Variants in RBFOX1 observed in about 807,000 individuals in gnomAD.
RBFOX1 encodes the protein RNA binding fox-1 homolog 1, also known as RNA binding protein fox-1 homolog 1.
Under a neutral mutation model 57.7 loss-of-function variants are expected in RBFOX1, and 8 were observed. That is an observed-to-expected ratio of 0.14 (90% confidence interval 0.08 to 0.25). The LOEUF (loss-of-function observed/expected upper bound fraction) is 0.25, where lower values mean the gene tolerates loss of function less well. RBFOX1 is among the 10% of genes least tolerant of loss of function. The pLI, the probability that RBFOX1 is intolerant of heterozygous loss-of-function variation, is 1.00. For synonymous variants in RBFOX1, 326 were observed against 222.4 expected, an observed-to-expected ratio of 1.47 and a Z score of -4.15; for missense variants, 611 against 548.5, an observed-to-expected ratio of 1.11 and a Z score of -1.14.
intron 4 of RBFOX1, among the ~76,000 whole-genome samples, chr16:7,201,738 C>T (rs1174304178): frequency 2.0e-5 from 3 of 152,156 alleles, no homozygotes; most frequent in Non-Finnish European, 4.4e-5. Context: ...ACTGGGACTA[C>T]AGGCAAGAGC....
intron 5 of RBFOX1, among the ~76,000 whole-genome samples, chr16:7,563,115 A>G (rs1207424154): frequency 6.6e-6 from 1 of 152,196 alleles, no homozygotes; most frequent in Non-Finnish European, 1.5e-5. Flanking sequence ...TGGGCACAAT[A>G]TTAGAATCCT....
At chr16:5,876,018 TA>T (rs2057600729) in intron 4 of RBFOX1, among the ~76,000 whole-genome samples, 1 of 152,054 alleles carries the variant, frequency 6.6e-6, no homozygotes, top group African/African-American at 2.4e-5. Context: ...TAATTTTTTG[TA>T]TTTTTAGTAG....
intron 1 of RBFOX1, among the ~76,000 whole-genome samples, chr16:5,451,914 TTC>T (rs2068437254): frequency 6.6e-6 from 1 of 152,164 alleles, no homozygotes; most frequent in Admixed American, 6.5e-5. Flanking sequence ...ACCTCTGGGC[TTC>T]TCCCTGAGCT....
rs562666133 is a variant in RBFOX1 at position 5,761,658 on chromosome 16, G to A, written c.319-105645G>A. On this transcript the variant is annotated intron_variant, in intron 3 of 19. Coordinates refer to the RBFOX1 transcript ENST00000641259. ...CATGAGGGTAACTGCCCCCATGTTTGAATTACCTCTCACCGGGTCCTTTCC... is the reference window on the plus strand; with the variant it reads ...CATGAGGGTAACTGCCCCCATGTTTAAATTACCTCTCACCGGGTCCTTTCC... 2.6e-5 allele frequency among the ~76,000 whole-genome samples: 4 copies of A among 152,276 alleles called. No individual in the cohort carries two copies. The East Asian group carries it at 7.7e-4, about 29-fold the overall frequency.
chr16:6,262,862 C>A (rs890264509), intron 1 of RBFOX1, among the ~76,000 whole-genome samples: 6 of 152,100 alleles, frequency 3.9e-5, no homozygotes, highest in Non-Finnish European at 7.3e-5. Context: ...CATCTCACAA[C>A]CCTCATGGAA....
chr16:6,786,534 A>G (rs964979329), intron 3 of RBFOX1, among the ~76,000 whole-genome samples: 1 of 152,174 alleles, frequency 6.6e-6, no homozygotes, highest in African/African-American at 2.4e-5. Flanking sequence ...CAGAGTTCAG[A>G]GATCCTGGAA....
At chr16:5,679,507 C>T (rs1209983282) in intron 3 of RBFOX1, among the ~76,000 whole-genome samples, 1 of 152,034 alleles carries the variant, frequency 6.6e-6, no homozygotes, top group Non-Finnish European at 1.5e-5. Flanking sequence ...TCCCCTTGTC[C>T]CCCACCCCCC....
chr16:7,156,246 A>G (rs952786495), intron 4 of RBFOX1, among the ~76,000 whole-genome samples: 1 of 147,722 alleles, frequency 6.8e-6, no homozygotes, highest in Non-Finnish European at 1.5e-5. Flanking sequence ...ACACATATAT[A>G]TGTATACATA....
chr16:7,703,466 C>G (rs2081420794), intron 14 of RBFOX1, among the ~76,000 whole-genome samples: 1 of 152,150 alleles, frequency 6.6e-6, no homozygotes, highest in Non-Finnish European at 1.5e-5. Flanking sequence ...GGGTGAGAAG[C>G]ATGGGGAGAT....
chr16:7,586,620 T>G (rs1234682758), intron 6 of RBFOX1, among the ~76,000 whole-genome samples: 1 of 152,234 alleles, frequency 6.6e-6, no homozygotes, highest in Non-Finnish European at 1.5e-5. Flanking sequence ...TCTGGACTTT[T>G]CATAGAGCCT....
At chr16:5,429,161 G>T (rs1009978572) in intron 1 of RBFOX1, among the ~76,000 whole-genome samples, 2 of 152,104 alleles carry the variant, frequency 1.3e-5, no homozygotes, top group Non-Finnish European at 2.9e-5. Flanking sequence ...TTTTCACTCT[G>T]TTAAGTCCCT....
At chr16:5,714,219 C>G (rs1419148324) in intron 3 of RBFOX1, among the ~76,000 whole-genome samples, 1 of 152,142 alleles carries the variant, frequency 6.6e-6, no homozygotes, top group Non-Finnish European at 1.5e-5. Context: ...TTGTTGTGCT[C>G]TCCCATTGTG....
At chr16:6,518,463 A>C (rs151255108) in intron 2 of RBFOX1, among the ~76,000 whole-genome samples, 1 of 152,088 alleles carries the variant, frequency 6.6e-6, no homozygotes, top group Non-Finnish European at 1.5e-5. Flanking sequence ...ATGTGCTTCT[A>C]TTATACAGAT....
chr16:7,458,646 T>C (rs1245372719), intron 4 of RBFOX1, among the ~76,000 whole-genome samples: 1 of 152,190 alleles, frequency 6.6e-6, no homozygotes, highest in Non-Finnish European at 1.5e-5. Context: ...TAAGGTCTTT[T>C]TGACCACTAT....
chr16:6,880,332 T>A (rs190127827), intron 3 of RBFOX1, among the ~76,000 whole-genome samples: 1 of 152,334 alleles, frequency 6.6e-6, no homozygotes, highest in Non-Finnish European at 1.5e-5. Context: ...GCCTCTGTTG[T>A]TCCTGACCAC....
chr16:5,550,467 G>A (rs1597486527), intron 2 of RBFOX1, among the ~76,000 whole-genome samples: 1 of 152,188 alleles, frequency 6.6e-6, no homozygotes, highest in African/African-American at 2.4e-5. Context: ...CTGCCCAGGG[G>A]GGCAGTAGGA....
chr16:6,550,646 C>G (rs2096973404), intron 2 of RBFOX1, among the ~76,000 whole-genome samples: 1 of 152,150 alleles, frequency 6.6e-6, no homozygotes, highest in Non-Finnish European at 1.5e-5. Flanking sequence ...ACTTCTAATT[C>G]TTTCCTTCTT....
intron 3 of RBFOX1, among the ~76,000 whole-genome samples, chr16:6,688,333 A>C (rs1451788527): frequency 6.6e-6 from 1 of 152,162 alleles, no homozygotes; most frequent in African/African-American, 2.4e-5. Flanking sequence ...AAACCATTAG[A>C]AACCACCCCC....
chr16:6,450,789 A>G (rs1347104207), intron 2 of RBFOX1, among the ~76,000 whole-genome samples: 9 of 46,656 alleles, frequency 1.9e-4, no homozygotes, highest in African/African-American at 9.3e-4. Flanking sequence ...ATATATATAT[A>G]CATATATATA....
Sources: gnomAD v4.1 joint callset for allele counts (sites outside exome capture counted in the v4.1 genomes callset) on GRCh38, gnomAD v4.1.1 for gene constraint, MANE v1.5 for transcripts, NCBI Gene and HGNC (gene_info 2026-07-23, HGNC 2026-07-21) for gene names.